SUFU: variants seen among roughly 807,000 people sequenced by gnomAD.
SUFU encodes the protein SUFU negative regulator of hedgehog signaling.
In SUFU, 7 loss-of-function variants were observed where a neutral mutation model predicts 58.9. The ratio of observed to expected loss-of-function variants is 0.12; its 90% confidence interval spans 0.07 to 0.22. The LOEUF (loss-of-function observed/expected upper bound fraction) is 0.22. Among genes scored for constraint, SUFU ranks in the 10% least tolerant of loss-of-function variants. The probability of loss-of-function intolerance (pLI) is 1.00; values close to 1 mark genes in which losing one functional copy is unlikely to be tolerated. For missense variants in SUFU, 451 were observed against 641.3 expected, an observed-to-expected ratio of 0.70 and a Z score of 3.20; for synonymous variants, 232 against 254.8, an observed-to-expected ratio of 0.91 and a Z score of 0.85.
chr10:102,511,839 G>A (rs1189123484), intron 2 of SUFU, among the ~76,000 whole-genome samples: 2 of 152,046 alleles, frequency 1.3e-5, no homozygotes, highest in Non-Finnish European at 2.9e-5. Context: ...ACCTGCCAAG[G>A]AGCTGGGACT....
At chr10:102,522,961 G>T (rs2062568304) in intron 2 of SUFU, among the ~76,000 whole-genome samples, 1 of 152,116 alleles carries the variant, frequency 6.6e-6, no homozygotes, top group South Asian at 2.1e-4. Flanking sequence ...ATCACCTGGT[G>T]CCTCTTTGTC....
intron 2 of SUFU, among the ~76,000 whole-genome samples, chr10:102,547,266 G>A (rs2062864996): frequency 6.6e-6 from 1 of 152,144 alleles, no homozygotes; most frequent in African/African-American, 2.4e-5. Context: ...ATTACTCCAT[G>A]TTTTCACACC....
intron 2 of SUFU, 123 bp downstream of exon 2, chr10:102,509,426 TCTGA>T: frequency 7.4e-7 from 1 of 1,349,532 alleles, no homozygotes; most frequent in Non-Finnish European, 1.0e-6. Context: ...ATTTCTGCCC[TCTGA>T]CTATATCTAC....
rs904751873 is a variant in SUFU at position 102,628,334 on chromosome 10, T to C, written c.1365+1091T>C. On this transcript the variant is annotated intron_variant, in intron 11 of 11. Transcript: ENST00000369902. The surrounding 1 kb of genome is among the most constrained non-coding windows in gnomAD (Gnocchi z 4.5). ...CTCCCCAGAGCCAGGGTCACCTCAA[T>C]AGAGCAGGGTCTCCTCTGTCCTCTG... Among the ~76,000 whole-genome samples, 3 of 152,204 alleles carry C rather than the reference T, an allele frequency of 2.0e-5. No homozygotes were observed. Among genetic ancestry groups the C allele is most frequent in the Non-Finnish European group, 1.5e-5 (1 of 68,040 alleles).
chr10:102,538,618 C>T (rs1033412878), intron 2 of SUFU, among the ~76,000 whole-genome samples: 2 of 152,012 alleles, frequency 1.3e-5, no homozygotes, highest in African/African-American at 4.8e-5. Flanking sequence ...CTCTGCTTAC[C>T]ACACGCATGC....
At chr10:102,525,340 C>A (rs1340209880) in intron 2 of SUFU, among the ~76,000 whole-genome samples, 1 of 151,834 alleles carries the variant, frequency 6.6e-6, no homozygotes, top group African/African-American at 2.4e-5. Flanking sequence ...AAACTCCCGG[C>A]CTTAAGTGAT....
chr10:102,515,112 C>T (rs992301961), intron 2 of SUFU, among the ~76,000 whole-genome samples: 2 of 152,180 alleles, frequency 1.3e-5, no homozygotes, highest in Non-Finnish European at 2.9e-5. Flanking sequence ...TGCCGCTGAC[C>T]GGCTTTCTGG....
chr10:102,622,991 CAAAAAAA>C (rs60442672), intron 10 of SUFU, among the ~76,000 whole-genome samples: 1 of 58,368 alleles, frequency 1.7e-5, no homozygotes, highest in Non-Finnish European at 3.2e-5. Flanking sequence ...AACTCCGTCT[CAAAAAAA>C]AAAAAAAAAA....
intron 2 of SUFU, among the ~76,000 whole-genome samples, chr10:102,516,650 C>A (rs748509825): frequency 6.6e-6 from 1 of 151,866 alleles, no homozygotes; most frequent in Non-Finnish European, 1.5e-5. Flanking sequence ...CGGGTTCAAG[C>A]GATTGTCCTG....
chr10:102,532,835 T>G (rs781376570), intron 2 of SUFU, among the ~76,000 whole-genome samples: 1 of 152,056 alleles, frequency 6.6e-6, no homozygotes, highest in African/African-American at 2.4e-5. Flanking sequence ...TACTGAGAAG[T>G]CTGGACTTTG....
intron 2 of SUFU, among the ~76,000 whole-genome samples, chr10:102,535,827 A>G (rs963294979): frequency 6.6e-6 from 1 of 152,192 alleles, no homozygotes; most frequent in African/African-American, 2.4e-5. Context: ...TATGCATATG[A>G]ACACTTAGCA....
chr10:102,517,461 C>T (rs1242703500), intron 2 of SUFU, among the ~76,000 whole-genome samples: 2 of 152,098 alleles, frequency 1.3e-5, no homozygotes, highest in Admixed American at 6.6e-5. Context: ...TCTCTCAGTC[C>T]CGGGATTTTT....
intron 6 of SUFU, among the ~76,000 whole-genome samples, chr10:102,595,600 T>TG (rs869169585): frequency 9.5e-6 from 1 of 105,044 alleles, no homozygotes; most frequent in African/African-American, 3.6e-5. Context: ...GGGCTGTTCT[T>TG]CCTAGTCTGC....
intron 3 of SUFU, among the ~76,000 whole-genome samples, chr10:102,568,761 C>G (rs1417309813): frequency 6.7e-6 from 1 of 149,212 alleles, no homozygotes; most frequent in African/African-American, 2.5e-5. Flanking sequence ...GTAATCCCAG[C>G]TACTTGGGAG....
At chr10:102,524,215 A>C (rs1481864313) in intron 2 of SUFU, among the ~76,000 whole-genome samples, 1 of 151,942 alleles carries the variant, frequency 6.6e-6, no homozygotes, top group Non-Finnish European at 1.5e-5. Context: ...TATGTTACCC[A>C]GGCTGGTCTC....
At chr10:102,622,270 C>T (rs1203565832) in intron 10 of SUFU, among the ~76,000 whole-genome samples, 1 of 152,202 alleles carries the variant, frequency 6.6e-6, no homozygotes, top group Non-Finnish European at 1.5e-5. Flanking sequence ...TGAGTATTTC[C>T]CCAGCAGCCC....
chr10:102,504,553 A>G (rs1226302443), intron 1 of SUFU, among the ~76,000 whole-genome samples: 2 of 150,594 alleles, frequency 1.3e-5, no homozygotes, highest in Non-Finnish European at 3.0e-5. Flanking sequence ...AACCGGGATT[A>G]GGAGAATAGA....
At chr10:102,624,220 A>T (rs2063767198) in intron 10 of SUFU, among the ~76,000 whole-genome samples, 1 of 152,172 alleles carries the variant, frequency 6.6e-6, no homozygotes, top group African/African-American at 2.4e-5. Flanking sequence ...CAAGCCCCAG[A>T]ACTGCACAGG....
intron 3 of SUFU, among the ~76,000 whole-genome samples, chr10:102,555,120 T>C (rs1233718970): frequency 6.6e-6 from 1 of 151,858 alleles, no homozygotes; most frequent in African/African-American, 2.4e-5. Flanking sequence ...TAAAAAAAAT[T>C]AGCCGGACGT....
Sources: gnomAD v4.1 joint callset for allele counts (sites outside exome capture counted in the v4.1 genomes callset) on GRCh38, gnomAD v4.1.1 for gene constraint, Gnocchi (gnomAD v3.1) non-coding constraint, MANE v1.5 for transcripts, NCBI Gene and HGNC (gene_info 2026-07-23, HGNC 2026-07-21) for gene names.